ARMC9: variants seen among roughly 807,000 people sequenced by gnomAD.
ARMC9 encodes the protein armadillo repeat containing 9, also known as lisH domain-containing protein ARMC9.
ARMC9 carries 94 observed loss-of-function variants against 107.0 expected under a neutral mutation model. The ratio of observed to expected loss-of-function variants is 0.88; its 90% confidence interval spans 0.74 to 1.04. The LOEUF (loss-of-function observed/expected upper bound fraction) is 1.04. ARMC9 is among the 50% of genes least tolerant of loss of function. The pLI is 0.00. For synonymous variants in ARMC9, 380 were observed against 396.9 expected, an observed-to-expected ratio of 0.96 and a Z score of 0.51; for missense variants, 942 against 1,030.1, an observed-to-expected ratio of 0.91 and a Z score of 1.17.
intron 19 of ARMC9, among the ~76,000 whole-genome samples, chr2:231,323,470 G>A (rs190821465): frequency 6.6e-6 from 1 of 152,282 alleles, no homozygotes; most frequent in East Asian, 1.9e-4. Flanking sequence ...TACTGGGAAC[G>A]GTTGAATGAA....
intron 19 of ARMC9, among the ~76,000 whole-genome samples, chr2:231,319,571 G>A (rs541961418): frequency 3.4e-4 from 51 of 152,100 alleles, no homozygotes; most frequent in Non-Finnish European, 5.9e-4. Context: ...AAGTGACCAG[G>A]GACTCTTCCT....
intron 9 of ARMC9, among the ~76,000 whole-genome samples, chr2:231,245,822 C>T (rs1041052678): frequency 6.6e-6 from 1 of 152,192 alleles, no homozygotes; most frequent in African/African-American, 2.4e-5. Context: ...TCTTTCTCTT[C>T]TTCACCCCCT....
chr2:231,367,926 G>A (rs958251682), intron 23 of ARMC9, among the ~76,000 whole-genome samples: 6 of 150,444 alleles, frequency 4.0e-5, no homozygotes, highest in African/African-American at 7.4e-5. Flanking sequence ...GTTGCAATGA[G>A]CCGAGATCGC....
At chr2:231,258,874 C>A in intron 10 of ARMC9, 117 bp from the exon 11 acceptor site, 1 of 918,032 alleles carries the variant, frequency 1.1e-6, no homozygotes, top group South Asian at 1.6e-5. Flanking sequence ...GCCGGGAGGT[C>A]ATGCTGGGAG....
intron 21 of ARMC9, among the ~76,000 whole-genome samples, chr2:231,352,011 C>G (rs572785486): frequency 2.0e-5 from 3 of 151,992 alleles, no homozygotes; most frequent in Admixed American, 6.6e-5. Flanking sequence ...TCTGTCACCC[C>G]GGCTGGAGTA....
intron 13 of ARMC9, 112 bp from the exon 14 acceptor site, chr2:231,272,843 C>T: frequency 7.4e-7 from 1 of 1,354,466 alleles, no homozygotes; most frequent in South Asian, 1.4e-5. Context: ...CATAAAATTA[C>T]CCAAACTCTA....
intron 20 of ARMC9, among the ~76,000 whole-genome samples, chr2:231,333,780 G>C (rs760179052): frequency 1.1e-4 from 16 of 152,198 alleles, no homozygotes; most frequent in Non-Finnish European, 2.1e-4. Flanking sequence ...AGACAGACAC[G>C]CAGGCACGTA....
chr2:231,362,038 G>A lies in ARMC9; in HGVS notation c.2261+1155G>A, dbSNP rs1481781805. ...AGACCTGGGCTAGGGAAGGGTGGGG[G>A]CAGTCCCAGCTATCTTTAAGAAGCA... On this transcript the variant is annotated intron_variant, in intron 23 of 24. Coordinates refer to ENST00000611582, the MANE Select transcript of ARMC9 (RefSeq NM_001352754.2). The surrounding 1 kb of genome is among the most constrained non-coding windows in gnomAD (Gnocchi z 4.7). Among the ~76,000 whole-genome samples, 2 of 151,608 alleles carry A rather than the reference G, an allele frequency of 1.3e-5. No homozygotes were observed. The highest frequency in any genetic ancestry group is 2.4e-5 in the African/African-American group (1 of 40,926).
intron 19 of ARMC9, among the ~76,000 whole-genome samples, chr2:231,304,224 C>CAAT (rs945263911): frequency 5.3e-5 from 8 of 152,156 alleles, no homozygotes; most frequent in Admixed American, 2.0e-4. Flanking sequence ...GACTGCATCT[C>CAAT]AATAATAATA....
Position 231,371,629 on chromosome 2 carries a change from C to T in ARMC9, c.*94C>T. 8.6e-7 allele frequency: 1 copy of T among 1,157,768 alleles called. No individual in the cohort carries two copies. Among genetic ancestry groups the T allele is most frequent in the Non-Finnish European group, 1.1e-6 (1 of 919,760 alleles). 71.7% of individuals were successfully genotyped at this position (1,157,768 alleles called of 1,614,324 possible). On this transcript the variant is annotated 3_prime_UTR_variant, in exon 25 of 25. Coordinates refer to ENST00000611582, the MANE Select transcript of ARMC9 (RefSeq NM_001352754.2). ...GCTGCCGGTGATGGATGTGAAGGGA[C>T]AGTTGTCCACAAGACTCTGGGAGCT...
At chr2:231,308,518 G>T (rs1235464630) in intron 19 of ARMC9, among the ~76,000 whole-genome samples, 1 of 152,142 alleles carries the variant, frequency 6.6e-6, no homozygotes, top group Non-Finnish European at 1.5e-5. Context: ...GTAACCAAAG[G>T]CTGGTAACCT....
At chr2:231,357,491 A>G (rs1008059830) in intron 22 of ARMC9, among the ~76,000 whole-genome samples, 2 of 152,218 alleles carry the variant, frequency 1.3e-5, no homozygotes, top group African/African-American at 4.8e-5. Flanking sequence ...AGAGACCAGG[A>G]ATAGTCACTG....
chr2:231,371,399 A>AT, intron 24 of ARMC9, 114 bp from the exon 25 acceptor site: 1 of 1,204,754 alleles, frequency 8.3e-7, no homozygotes, highest in South Asian at 2.1e-5. Flanking sequence ...GTGACCTGGG[A>AT]GAGGGAAGGT....
chr2:231,210,894 C>T (rs1028568506), intron 3 of ARMC9, among the ~76,000 whole-genome samples: 1 of 152,178 alleles, frequency 6.6e-6, no homozygotes, highest in African/African-American at 2.4e-5. Flanking sequence ...ACTCTGTCCC[C>T]ATTTAACAAC....
intron 19 of ARMC9, among the ~76,000 whole-genome samples, chr2:231,309,295 T>G (rs1428269200): frequency 6.6e-6 from 1 of 152,186 alleles, no homozygotes; most frequent in Non-Finnish European, 1.5e-5. Flanking sequence ...AAACCCTATT[T>G]GTCCAACATC....
chr2:231,260,113 C>G (rs2038198419), intron 11 of ARMC9, among the ~76,000 whole-genome samples: 1 of 152,186 alleles, frequency 6.6e-6, no homozygotes, highest in Admixed American at 6.5e-5. Context: ...ATACTACTTT[C>G]CAAACAACAA....
intron 20 of ARMC9, among the ~76,000 whole-genome samples, chr2:231,334,521 C>T (rs1388951311): frequency 6.6e-6 from 1 of 152,216 alleles, no homozygotes; most frequent in Non-Finnish European, 1.5e-5. Flanking sequence ...CTTATTACAT[C>T]TACAAGGGTC....
chr2:231,200,012 T>G (rs1368991945), intron 1 of ARMC9, among the ~76,000 whole-genome samples: 1 of 152,198 alleles, frequency 6.6e-6, no homozygotes, highest in Admixed American at 6.5e-5. Flanking sequence ...CTGTAATTTC[T>G]AAGAATGTTG....
chr2:231,309,015 G>C (rs2042190258), intron 19 of ARMC9, among the ~76,000 whole-genome samples: 1 of 152,242 alleles, frequency 6.6e-6, no homozygotes, highest in African/African-American at 2.4e-5. Flanking sequence ...GTTACTTGCA[G>C]GACCTTTCCA....
Sources: allele counts gnomAD v4.1 joint callset (sites outside exome capture counted in the v4.1 genomes callset), GRCh38; gene constraint gnomAD v4.1.1; non-coding constraint Gnocchi (gnomAD v3.1); transcripts MANE v1.5; gene names NCBI Gene and HGNC (gene_info 2026-07-23, HGNC 2026-07-21).